Variants in SLC2A13 observed in about 807,000 individuals in gnomAD.
SLC2A13 encodes the protein proton myo-inositol cotransporter.
A neutral mutation model predicts 64.4 loss-of-function variants in SLC2A13; 32 were observed. The ratio of observed to expected loss-of-function variants is 0.50; its 90% CI spans 0.37 to 0.67. SLC2A13 has a LOEUF of 0.67. Ranked by LOEUF, SLC2A13 falls within the 30% of genes least tolerant of loss-of-function variation. The pLI is 0.00. For missense variants in SLC2A13, 743 were observed against 829.2 expected (o/e 0.90, Z 1.28); for synonymous variants, 338 against 327.1 (o/e 1.03, Z -0.36).
chr12:39,760,362 A>T, intron 9 of SLC2A13, 110 bp from the exon 10 acceptor site: 1 of 961,582 alleles, frequency 1.0e-6, no homozygotes, highest in African/African-American at 1.7e-5. Context: ...GCATAATCAC[A>T]GTATGAAATG....
At chr12:39,904,001 T>C (rs763661693) in intron 4 of SLC2A13, among the ~76,000 whole-genome samples, 1 of 152,066 alleles carries the variant, frequency 6.6e-6, no homozygotes, top group Non-Finnish European at 1.5e-5. Flanking sequence ...GCTTGCAATC[T>C]AGATTCTGTC....
At chr12:40,065,569 A>T (rs541101985) in intron 1 of SLC2A13, among the ~76,000 whole-genome samples, 1 of 151,854 alleles carries the variant, frequency 6.6e-6, no homozygotes, top group Non-Finnish European at 1.5e-5. Context: ...TGGGCAACAG[A>T]ATGAGACTGT....
chr12:39,996,981 A>G (rs1051976837), intron 3 of SLC2A13, among the ~76,000 whole-genome samples: 3 of 152,204 alleles, frequency 2.0e-5, no homozygotes, highest in Non-Finnish European at 4.4e-5. Context: ...TACAAATTCA[A>G]TGCAATTCCA....
At chr12:39,964,395 TG>T (rs1462916640) in intron 3 of SLC2A13, among the ~76,000 whole-genome samples, 1 of 152,240 alleles carries the variant, frequency 6.6e-6, no homozygotes, top group Non-Finnish European at 1.5e-5. Flanking sequence ...ATTACGTTCA[TG>T]GAAGAGAAGA....
At chr12:39,764,121 T>C (rs1260943804) in intron 9 of SLC2A13, among the ~76,000 whole-genome samples, 1 of 152,032 alleles carries the variant, frequency 6.6e-6, no homozygotes, top group Admixed American at 6.6e-5. Context: ...CTTTTTACCA[T>C]TTTCTGTTTT....
chr12:39,971,997 A>AAAAAT (rs1375405006), intron 3 of SLC2A13, among the ~76,000 whole-genome samples: 1 of 77,378 alleles, frequency 1.3e-5, no homozygotes, highest in African/African-American at 4.8e-5. Flanking sequence ...AAAAAAAAAA[A>AAAAAT]ATATATATAT....
chr12:40,019,654 ATTG>A (rs1459662088), intron 3 of SLC2A13, among the ~76,000 whole-genome samples: 1 of 152,206 alleles, frequency 6.6e-6, no homozygotes, highest in Non-Finnish European at 1.5e-5. Flanking sequence ...GGAAAAAGAA[ATTG>A]TTACTAGTAT....
chr12:40,039,980 T>C (rs1295889246), intron 2 of SLC2A13, among the ~76,000 whole-genome samples: 1 of 152,226 alleles, frequency 6.6e-6, no homozygotes, highest in Non-Finnish European at 1.5e-5. Context: ...ACACATTCTG[T>C]CCATGTTTTA....
At chr12:39,769,874 C>A (rs1023180231) in intron 7 of SLC2A13, among the ~76,000 whole-genome samples, 1 of 152,082 alleles carries the variant, frequency 6.6e-6, no homozygotes, top group African/African-American at 2.4e-5. Context: ...CTCCCAGATG[C>A]TGGCTAACTT....
At chr12:39,800,025 A>T (rs1474277369) in intron 7 of SLC2A13, among the ~76,000 whole-genome samples, 1 of 152,188 alleles carries the variant, frequency 6.6e-6, no homozygotes, top group Non-Finnish European at 1.5e-5. Flanking sequence ...AGTTCAATGA[A>T]AAGCAGATTT....
intron 1 of SLC2A13, among the ~76,000 whole-genome samples, chr12:40,093,582 T>A (rs1483847660): frequency 6.6e-6 from 1 of 152,090 alleles, no homozygotes; most frequent in East Asian, 1.9e-4. Flanking sequence ...AAACTGGTGG[T>A]GGGAGCTGCA....
intron 4 of SLC2A13, among the ~76,000 whole-genome samples, chr12:39,924,198 T>C (rs1016342260): frequency 7.9e-5 from 12 of 152,126 alleles, no homozygotes; most frequent in African/African-American, 1.4e-4. Context: ...CCCAAAACAG[T>C]CTTGAAAACA....
At chr12:39,991,247 C>T (rs531489379) in intron 3 of SLC2A13, among the ~76,000 whole-genome samples, 38 of 152,276 alleles carry the variant, frequency 2.5e-4, no homozygotes, top group African/African-American at 8.2e-4. Flanking sequence ...AGTCCATTTG[C>T]TTTAAAACTT....
At chr12:40,049,250 A>G (rs2136238422) in intron 1 of SLC2A13, among the ~76,000 whole-genome samples, 1 of 152,268 alleles carries the variant, frequency 6.6e-6, no homozygotes, top group African/African-American at 2.4e-5. Context: ...TTTAATGTTT[A>G]TATCTCTAGA....
intron 4 of SLC2A13, among the ~76,000 whole-genome samples, chr12:39,876,227 G>C (rs906463123): frequency 1.3e-5 from 2 of 152,242 alleles, no homozygotes; most frequent in South Asian, 2.1e-4. Context: ...GAGATTATGT[G>C]ACACTCAGCT....
chr12:39,968,115 A>C (rs1183202375), intron 3 of SLC2A13, among the ~76,000 whole-genome samples: 2 of 152,206 alleles, frequency 1.3e-5, no homozygotes, highest in Non-Finnish European at 2.9e-5. Context: ...TAATTTCTAA[A>C]GGAAAGAGGT....
intron 1 of SLC2A13, among the ~76,000 whole-genome samples, chr12:40,088,535 G>C (rs1235792554): frequency 6.6e-6 from 1 of 152,168 alleles, no homozygotes; most frequent in Non-Finnish European, 1.5e-5. Flanking sequence ...AAGCTCTACA[G>C]AAGTGGGATT....
chr12:40,085,223 T>C (rs1938551678), intron 1 of SLC2A13, among the ~76,000 whole-genome samples: 2 of 152,176 alleles, frequency 1.3e-5, no homozygotes, highest in Admixed American at 1.3e-4. Context: ...TCTTTATCTG[T>C]TTGTATCCTT....
chr12:40,020,501 G>C (rs1392048703), intron 3 of SLC2A13, among the ~76,000 whole-genome samples: 1 of 152,150 alleles, frequency 6.6e-6, no homozygotes, highest in Non-Finnish European at 1.5e-5. Context: ...GCAGAATTGT[G>C]AGTCAATTAA....
Sources: allele counts gnomAD v4.1 joint callset (sites outside exome capture counted in the v4.1 genomes callset), GRCh38; gene constraint gnomAD v4.1.1; transcripts MANE v1.5; gene names NCBI Gene and HGNC (gene_info 2026-07-23, HGNC 2026-07-21).